Variants in RNFT2 observed in about 807,000 individuals in gnomAD.
RNFT2 encodes E3 ubiquitin-protein ligase RNFT2.
RNFT2 carries 36 observed loss-of-function variants against 53.0 expected under a neutral mutation model. The observed-to-expected ratio is 0.68, with a 90% CI of 0.52 to 0.90. The LOEUF is 0.90. Ranked by LOEUF, RNFT2 falls within the 40% of genes least tolerant of loss-of-function variation. The pLI is 0.00. For missense variants in RNFT2, 514 were observed against 585.6 expected (o/e 0.88, Z 1.26); for synonymous variants, 260 against 253.2 (o/e 1.03, Z -0.26).
At chr12:116,741,239 A>G in intron 3 of RNFT2, 145 bp downstream of exon 3, 2 of 668,556 alleles carry the variant, frequency 3.0e-6, no homozygotes, top group South Asian at 3.7e-5. Context: ...TTCAACGCAT[A>G]ATAGCTTGCT....
chr12:116,799,848 G>A (rs1219115792), intron 7 of RNFT2, among the ~76,000 whole-genome samples: 1 of 152,126 alleles, frequency 6.6e-6, no homozygotes, highest in East Asian at 1.9e-4. Context: ...GATACAGTTT[G>A]GATGTTTGTC....
At chr12:116,741,631 T>G (rs1317177741) in intron 3 of RNFT2, among the ~76,000 whole-genome samples, 1 of 152,194 alleles carries the variant, frequency 6.6e-6, no homozygotes, top group Non-Finnish European at 1.5e-5. Flanking sequence ...AAGGCCCACC[T>G]TCCAATACGA....
intron 3 of RNFT2, chr12:116,748,758 CAT>C (rs1872031463): frequency 2.4e-6 from 1 of 417,560 alleles, no homozygotes; most frequent in African/African-American, 2.1e-5. Flanking sequence ...ATTCTAGAAT[CAT>C]AGAATTCTGT....
At position 116,750,202 on chromosome 12, in the gene RNFT2, C is replaced by T. The variant is rs778132458; in HGVS notation, c.445C>T (p.Pro149Ser). The change falls in exon 4 of 11, where the codon CCC becomes TCC. Residue 149 changes from proline (P) to serine (S), a missense_variant. Physicochemically the swap from Pro to Ser is moderately conservative, Grantham distance 74. Transcript: ENST00000257575. ...EEGGDEQPGT[P>S]APALSELKAV... is the part of the protein sequence containing the mutation. ...GGGAGGCGACGAGCAGCCTGGGACG[C>T]CCGCCCCCGCCCTGTCCGAGCTGAA... 4 of 1,603,042 alleles carry T rather than the reference C, an allele frequency of 2.5e-6. No homozygotes were observed. The highest frequency in any genetic ancestry group is 3.4e-5 in the Admixed American group (2 of 59,490).
chr12:116,803,826 G>A (rs1345970333), intron 7 of RNFT2, among the ~76,000 whole-genome samples: 1 of 152,174 alleles, frequency 6.6e-6, no homozygotes, highest in African/African-American at 2.4e-5. Flanking sequence ...AACATCAGGG[G>A]GCCAATGAGG....
At chr12:116,783,974 GGTC>G (rs1183315241) in intron 7 of RNFT2, among the ~76,000 whole-genome samples, 1 of 152,182 alleles carries the variant, frequency 6.6e-6, no homozygotes. Flanking sequence ...CTGTGAACAG[GGTC>G]CTGTTATTAC....
intron 5 of RNFT2, among the ~76,000 whole-genome samples, chr12:116,755,120 G>A (rs934273489): frequency 1.3e-5 from 2 of 152,104 alleles, no homozygotes; most frequent in Non-Finnish European, 2.9e-5. Flanking sequence ...ATAGTTTTAG[G>A]TCCTAGGTTG....
At chr12:116,828,272 G>A (rs191181702) in intron 7 of RNFT2, among the ~76,000 whole-genome samples, 36 of 152,248 alleles carry the variant, frequency 2.4e-4, no homozygotes, top group African/African-American at 8.4e-4. Context: ...GGTCACCTGG[G>A]GACCTTATTA....
At chr12:116,743,772 T>C (rs1871760919) in intron 3 of RNFT2, among the ~76,000 whole-genome samples, 1 of 152,126 alleles carries the variant, frequency 6.6e-6, no homozygotes. Context: ...GTCCCAGCAC[T>C]GGGACTGAGT....
chr12:116,740,529 G>T lies in RNFT2; in HGVS notation c.24+8G>T, dbSNP rs368315311. On this transcript the variant is annotated splice_region_variant and intron_variant, in intron 2 of 10. Coordinates refer to ENST00000257575, the MANE Select transcript of RNFT2 (RefSeq NM_001382266.1). ...CTCTTCACAGTGAATCAGGTGACAC[G>T]TCTCCAAGAGAATTTGCATCTTTAT... 4 of 1,567,098 alleles carry T rather than the reference G, an allele frequency of 2.6e-6. No homozygotes were observed. The highest frequency in any genetic ancestry group is 1.2e-5 in the South Asian group (1 of 85,010).
chr12:116,767,244 C>T (rs1043253715), intron 6 of RNFT2, among the ~76,000 whole-genome samples: 4 of 151,830 alleles, frequency 2.6e-5, no homozygotes, highest in Non-Finnish European at 4.4e-5. Context: ...TTTTTTGAGA[C>T]AGGATCTCAC....
intron 7 of RNFT2, among the ~76,000 whole-genome samples, chr12:116,785,069 C>T (rs984009595): frequency 2.6e-5 from 4 of 152,128 alleles, no homozygotes; most frequent in Non-Finnish European, 1.5e-5. Context: ...CCCTGACACG[C>T]CTTGGTTCCC....
At chr12:116,740,611 C>G in intron 2 of RNFT2, 90 bp downstream of exon 2, 1 of 1,178,354 alleles carries the variant, frequency 8.5e-7, no homozygotes, top group Non-Finnish European at 1.2e-6. Context: ...CACTCCACCC[C>G]TCCCATGTAA....
chr12:116,838,137 G>A (rs1226360365), intron 10 of RNFT2, among the ~76,000 whole-genome samples: 1 of 152,054 alleles, frequency 6.6e-6, no homozygotes, highest in African/African-American at 2.4e-5. Flanking sequence ...GCTGCATAAT[G>A]TGCCATTTTA....
At chr12:116,819,548 G>A (rs1371224697) in intron 7 of RNFT2, among the ~76,000 whole-genome samples, 1 of 152,148 alleles carries the variant, frequency 6.6e-6, no homozygotes, top group Non-Finnish European at 1.5e-5. Flanking sequence ...CGGGCCCGGG[G>A]GAGGAGGAGG....
chr12:116,849,250 C>T, intron 10 of RNFT2, 64 bp from the exon 11 acceptor site: 1 of 1,380,804 alleles, frequency 7.2e-7, no homozygotes, highest in Non-Finnish European at 9.8e-7. Context: ...CCTTCTCCTG[C>T]TCCCGAGACC....
At chr12:116,756,010 C>A in intron 5 of RNFT2, 1 of 622,252 alleles carries the variant, frequency 1.6e-6, no homozygotes. Context: ...ATGCCTCCAG[C>A]TTTTTCTTTT....
At position 116,794,378 on chromosome 12, in the gene RNFT2, C is replaced by A. The variant is rs560145577; in HGVS notation, c.882+15030C>A. Among the ~76,000 whole-genome samples the A allele has an allele frequency of 1.8e-3, 267 of 151,172 alleles. 1 individual carries two copies. Among genetic ancestry groups the A allele is most frequent in the African/African-American group, 6.2e-3 (254 of 40,928 alleles). ...TTTGGGAGGCCAAGGCAGGCGGATCCCTTGAGGTCAGGAGTTCGAGACTAG... is the reference window on the plus strand; with the variant it reads ...TTTGGGAGGCCAAGGCAGGCGGATCACTTGAGGTCAGGAGTTCGAGACTAG... On this transcript the variant is annotated intron_variant, in intron 7 of 10. Transcript: ENST00000257575.
Position 116,836,202 on chromosome 12 carries a change from G to A in RNFT2, c.1120G>A (p.Gly374Arg), listed in dbSNP as rs764857827. ...TSQNYGVRAT[G>R]QQCTEAGDIC... is the part of the protein sequence containing the mutation. ...AAAGAACTATGGAGTCCGAGCCACC[G>A]GGCAGCAGTGCACAGAAGCTGGTGA... The change falls in exon 10 of 11, where the codon GGG (glycine) becomes AGG (arginine). Residue 374 changes from glycine to arginine, a missense_variant. This residue lies in a region of RNFT2 where 273 missense variants were observed against 334.4 expected (regional missense o/e 0.82). Coordinates refer to ENST00000257575, the MANE Select transcript of RNFT2 (RefSeq NM_001382266.1). 2.1e-5 allele frequency: 34 copies of A among 1,595,322 alleles called. No individual in the cohort carries two copies. The highest frequency in any genetic ancestry group is 1.1e-4 in the South Asian group (10 of 88,098).
Sources: gnomAD v4.1 joint callset for allele counts (sites outside exome capture counted in the v4.1 genomes callset) on GRCh38, gnomAD v4.1.1 for gene constraint, gnomAD v4.1.1 regional missense constraint, MANE v1.5 for transcripts, NCBI Gene and HGNC (gene_info 2026-07-23, HGNC 2026-07-21) for gene names.